DLGAP2: variants seen among roughly 807,000 people sequenced by gnomAD.
The protein encoded by DLGAP2 is disks large-associated protein 2.
Under a neutral mutation model 100.3 loss-of-function variants are expected in DLGAP2, and 26 were observed. That is an observed-to-expected ratio of 0.26 (90% confidence interval 0.19 to 0.36). The LOEUF (loss-of-function observed/expected upper bound fraction) is 0.36, where lower values mean the gene tolerates loss of function less well. Ranked by LOEUF, DLGAP2 falls within the 10% of genes least tolerant of loss-of-function variation. The pLI, the probability that DLGAP2 is intolerant of heterozygous loss-of-function variation, is 1.00. For missense variants in DLGAP2, 1,858 were observed against 1,453.2 expected (o/e 1.28, Z -4.53); for synonymous variants, 886 against 630.1 (o/e 1.41, Z -6.08).
At chr8:1,236,905 T>C (rs1798667545) in intron 2 of DLGAP2, among the ~76,000 whole-genome samples, 1 of 131,610 alleles carries the variant, frequency 7.6e-6, no homozygotes, top group African/African-American at 3.0e-5. Flanking sequence ...GCGCCATGTT[T>C]AGTTCTCTCA....
intron 2 of DLGAP2, among the ~76,000 whole-genome samples, chr8:1,218,455 G>A (rs1307801989): frequency 1.3e-5 from 2 of 151,286 alleles, no homozygotes; most frequent in African/African-American, 2.4e-5. Flanking sequence ...TATGTGTCTG[G>A]GTTTTGTTGT....
chr8:1,025,697 A>C (rs540998584), intron 2 of DLGAP2, among the ~76,000 whole-genome samples: 1 of 152,140 alleles, frequency 6.6e-6, no homozygotes, highest in Non-Finnish European at 1.5e-5. Context: ...GTGCTACTTT[A>C]TAAATTTTAG....
At chr8:1,491,728 C>T (rs942743613) in intron 3 of DLGAP2, among the ~76,000 whole-genome samples, 1 of 152,190 alleles carries the variant, frequency 6.6e-6, no homozygotes, top group Non-Finnish European at 1.5e-5. Context: ...GATACGATTT[C>T]CTCTTGAAGT....
chr8:1,652,853 C>G (rs1798198935), intron 8 of DLGAP2, among the ~76,000 whole-genome samples: 1 of 152,110 alleles, frequency 6.6e-6, no homozygotes, highest in African/African-American at 2.4e-5. Context: ...AGTAAATTGC[C>G]TCCTTGGTCT....
intron 7 of DLGAP2, among the ~76,000 whole-genome samples, chr8:1,630,525 A>G (rs1230345675): frequency 1.3e-5 from 2 of 152,048 alleles, no homozygotes; most frequent in Admixed American, 1.3e-4. Context: ...ACATGGTGAA[A>G]CCTCGTCTCT....
At chr8:777,720 G>A (rs1177548932) in intron 1 of DLGAP2, among the ~76,000 whole-genome samples, 15 of 152,100 alleles carry the variant, frequency 9.9e-5, no homozygotes, top group African/African-American at 2.4e-4. Flanking sequence ...CGAGAGATCC[G>A]CTGTTAGTCT....
At chr8:1,054,896 A>T (rs1355173926) in intron 2 of DLGAP2, among the ~76,000 whole-genome samples, 1 of 152,220 alleles carries the variant, frequency 6.6e-6, no homozygotes, top group Admixed American at 6.5e-5. Flanking sequence ...TGTTTGTTTT[A>T]TAAAAAGCAC....
intron 6 of DLGAP2, among the ~76,000 whole-genome samples, chr8:1,603,161 G>C (rs1796682309): frequency 6.6e-6 from 1 of 151,720 alleles, no homozygotes; most frequent in African/African-American, 2.4e-5. Context: ...CTGGGTCTCA[G>C]TTCTACAGAG....
chr8:1,341,872 T>G (rs1241506295), intron 3 of DLGAP2, among the ~76,000 whole-genome samples: 1 of 152,240 alleles, frequency 6.6e-6, no homozygotes, highest in Non-Finnish European at 1.5e-5. Context: ...AATCAGTTCA[T>G]GCACTGTGGG....
intron 2 of DLGAP2, among the ~76,000 whole-genome samples, chr8:1,010,471 T>C (rs954639409): frequency 6.6e-6 from 1 of 152,080 alleles, no homozygotes; most frequent in African/African-American, 2.4e-5. Context: ...TGTGCACACA[T>C]GTGCACTCTA....
chr8:1,033,690 C>T (rs1474894362), intron 2 of DLGAP2, among the ~76,000 whole-genome samples: 1 of 152,016 alleles, frequency 6.6e-6, no homozygotes, highest in Non-Finnish European at 1.5e-5. Flanking sequence ...ATGAGAACCG[C>T]GAGTGGATTC....
At chr8:1,059,256 C>T (rs1316372626) in intron 2 of DLGAP2, among the ~76,000 whole-genome samples, 2 of 152,214 alleles carry the variant, frequency 1.3e-5, no homozygotes, top group East Asian at 1.9e-4. Context: ...ACTCACCCCT[C>T]GGGGTCCCAG....
chr8:923,529 T>A (rs760260220), intron 2 of DLGAP2, among the ~76,000 whole-genome samples: 1 of 152,232 alleles, frequency 6.6e-6, no homozygotes, highest in African/African-American at 2.4e-5. Flanking sequence ...GTTCCTGAAG[T>A]TGACATAACT....
At chr8:1,133,204 G>T (rs1178851346) in intron 2 of DLGAP2, among the ~76,000 whole-genome samples, 1 of 152,212 alleles carries the variant, frequency 6.6e-6, no homozygotes. Flanking sequence ...CCTGGGGCCA[G>T]CCAGATACCT....
chr8:1,595,293 A>G (rs7012088), intron 6 of DLGAP2, among the ~76,000 whole-genome samples: 65,940 of 151,710 alleles, frequency 0.43, 14,455 homozygotes, highest in African/African-American at 0.49. Context: ...CTTTTTATTG[A>G]CAAATAACAT....
intron 1 of DLGAP2, among the ~76,000 whole-genome samples, chr8:907,102 A>G (rs574305072): frequency 6.6e-6 from 1 of 152,290 alleles, no homozygotes; most frequent in South Asian, 2.1e-4. Context: ...TTTCTTTGCA[A>G]CAGCCTCTAA....
chr8:1,422,697 G>A (rs893832268), intron 3 of DLGAP2, among the ~76,000 whole-genome samples: 13 of 152,140 alleles, frequency 8.5e-5, no homozygotes, highest in African/African-American at 3.1e-4. Flanking sequence ...TACACAGCAG[G>A]TGCTCGTTAA....
intron 5 of DLGAP2, among the ~76,000 whole-genome samples, chr8:1,550,823 C>G (rs1323066937): frequency 6.6e-6 from 1 of 152,230 alleles, no homozygotes; most frequent in Non-Finnish European, 1.5e-5. Context: ...CACTCAGTGA[C>G]TTCCATCAGT....
intron 2 of DLGAP2, among the ~76,000 whole-genome samples, chr8:946,486 A>C (rs183357123): frequency 6.6e-6 from 1 of 151,944 alleles, no homozygotes; most frequent in Non-Finnish European, 1.5e-5. Flanking sequence ...GATGGTCTCG[A>C]TCTCCTGACC....
Sources: gnomAD v4.1 joint callset for allele counts (sites outside exome capture counted in the v4.1 genomes callset) on GRCh38, gnomAD v4.1.1 for gene constraint, MANE v1.5 for transcripts, NCBI Gene and HGNC (gene_info 2026-07-23, HGNC 2026-07-21) for gene names.